Variants in TRNT1 observed in about 807,000 individuals in gnomAD.
TRNT1 encodes tRNA nucleotidyl transferase 1, also known as CCA tRNA nucleotidyltransferase 1, mitochondrial.
A neutral mutation model predicts 45.6 loss-of-function variants in TRNT1; 44 were observed. That is an observed-to-expected ratio of 0.97 (90% confidence interval 0.76 to 1.24). TRNT1 has a LOEUF of 1.24. TRNT1 is among the 50% of genes most tolerant of loss of function. TRNT1 has a pLI of 0.00. For missense variants in TRNT1, 633 were observed against 504.4 expected, an observed-to-expected ratio of 1.25 and a Z score of -2.44; for synonymous variants, 201 against 171.4, an observed-to-expected ratio of 1.17 and a Z score of -1.35.
chr3:3,131,044 A>G (rs1134249), intron 2 of TRNT1, among the ~76,000 whole-genome samples: 3 of 151,900 alleles, frequency 2.0e-5, no homozygotes, highest in East Asian at 3.9e-4. Context: ...TTGTGCCACT[A>G]CACTCCAGCC....
At chr3:3,135,427 A>C (rs988592735) in intron 2 of TRNT1, among the ~76,000 whole-genome samples, 2 of 151,952 alleles carry the variant, frequency 1.3e-5, no homozygotes, top group Non-Finnish European at 2.9e-5. Context: ...TAGTGTTTTA[A>C]ATCCCTATGT....
At chr3:3,151,827 G>GCAAACAAACAAA (rs10659250), downstream of TRNT1, among the ~76,000 whole-genome samples, 406 of 147,694 alleles carry the variant, frequency 2.7e-3, 2 homozygotes, top group African/African-American at 9.0e-3. Flanking sequence ...TTAAGCTGAA[G>GCAAACAAACAAA]CAAACAAACA....
intron 7 of TRNT1, 39 bp downstream of exon 7, chr3:3,147,742 C>T (rs370541025): frequency 4.5e-5 from 70 of 1,554,446 alleles, no homozygotes; most frequent in Non-Finnish European, 5.8e-5. Flanking sequence ...TATGAAGTAT[C>T]GTCACGAATT....
chr3:3,147,389 A>C (rs1706113856), intron 6 of TRNT1, 61 bp from the exon 7 acceptor site: 11 of 1,579,314 alleles, frequency 7.0e-6, no homozygotes, highest in Non-Finnish European at 9.5e-6. Flanking sequence ...GGCAAGGTTT[A>C]GGATATGAGT....
chr3:3,144,506 G>A (rs1055415153), intron 4 of TRNT1, 78 bp from the exon 5 acceptor site: 1 of 1,363,390 alleles, frequency 7.3e-7, no homozygotes, highest in Non-Finnish European at 1.0e-6. Context: ...GTTTGTGATA[G>A]TGTTTAGCTG....
chr3:3,150,884 T>C (rs1706488543), downstream of TRNT1: 1 of 1,613,702 alleles, frequency 6.2e-7, no homozygotes, highest in Non-Finnish European at 8.5e-7. Flanking sequence ...AAGTATTACT[T>C]TGTCTGGACT....
intron 2 of TRNT1, among the ~76,000 whole-genome samples, chr3:3,133,816 A>G (rs1705162012): frequency 6.6e-6 from 1 of 152,060 alleles, no homozygotes; most frequent in Non-Finnish European, 1.5e-5. Flanking sequence ...GTTTTTCTGT[A>G]GTAATGCTCA....
At chr3:3,128,147 T>C (rs1489275584) in intron 1 of TRNT1, 1 of 152,190 alleles carries the variant, frequency 6.6e-6, no homozygotes. Flanking sequence ...TCTAAATGGG[T>C]CCAGGTGCTG....
intron 1 of TRNT1, 72 bp downstream of exon 1, chr3:3,127,062 G>T (rs1178902746): frequency 6.6e-6 from 1 of 152,318 alleles, no homozygotes; most frequent in Non-Finnish European, 1.5e-5. Context: ...TCCTGCTGTG[G>T]GCCAGAGGCG....
intron 1 of TRNT1, chr3:3,127,784 C>T (rs1559210752): frequency 2.0e-5 from 3 of 152,176 alleles, no homozygotes; most frequent in Non-Finnish European, 4.4e-5. Flanking sequence ...GCCTGAAGCC[C>T]TGCTCTGGGG....
intron 2 of TRNT1, among the ~76,000 whole-genome samples, chr3:3,132,724 A>G (rs1223517546): frequency 7.8e-6 from 1 of 127,688 alleles, no homozygotes; most frequent in Non-Finnish European, 1.6e-5. Context: ...ACATATACCT[A>G]TTGAAGGAAA....
rs1705394999 is a variant in TRNT1, at chr3:3,137,419, A to G, written c.308A>G (p.Asn103Ser). ...TCGGCTGGGATTCGGATGATAAACA[A>G]CAGAGGAGAAAAGCACGGAACAATT... is the stretch of plus-strand genomic sequence containing the variant. ...FQSAGIRMIN[N>S]RGEKHGTITA... is the part of the protein sequence containing the mutation. The change falls in exon 3 of 8, where the codon AAC becomes AGC. Residue 103 changes from asparagine to serine, a missense_variant. Coordinates refer to ENST00000251607, the MANE Select transcript of TRNT1 (RefSeq NM_182916.3). The G allele has an allele frequency of 1.9e-6, 3 of 1,613,370 alleles. No homozygotes were observed. The highest frequency in any genetic ancestry group is 2.5e-6 in the Non-Finnish European group (3 of 1,179,700).
intron 5 of TRNT1, 30 bp from the exon 6 acceptor site, chr3:3,146,400 G>A (rs1476017506): frequency 6.4e-7 from 1 of 1,573,796 alleles, no homozygotes; most frequent in Admixed American, 1.8e-5. Context: ...CAATATAGAG[G>A]TAATACCCTG....
intron 2 of TRNT1, among the ~76,000 whole-genome samples, chr3:3,134,008 CTAA>C (rs1030135482): frequency 2.0e-5 from 3 of 152,108 alleles, no homozygotes; most frequent in East Asian, 1.9e-4. Flanking sequence ...TTTTGAATTG[CTAA>C]TAATAATTAA....
At chr3:3,144,478 C>T (rs766519014) in intron 4 of TRNT1, 106 bp from the exon 5 acceptor site, 74 of 1,113,858 alleles carry the variant, frequency 6.6e-5, no homozygotes, top group Non-Finnish European at 9.0e-5. Flanking sequence ...TAACTGTTCA[C>T]TCTGCTGAAT....
intron 2 of TRNT1, chr3:3,130,081 TGTC>T: frequency 9.9e-7 from 1 of 1,011,360 alleles, no homozygotes; most frequent in Non-Finnish European, 1.4e-6. Context: ...TTCTCAATGT[TGTC>T]TGCTGATGTT....
chr3:3,152,170 A>G (rs1706606543), downstream of TRNT1, among the ~76,000 whole-genome samples: 1 of 149,948 alleles, frequency 6.7e-6, no homozygotes, highest in African/African-American at 2.4e-5. Context: ...TTTTTTAAAT[A>G]GACAGATTCT....
chr3:3,149,761 TCAA>T (rs1294819219), downstream of TRNT1: 1 of 152,164 alleles, frequency 6.6e-6, no homozygotes, highest in African/African-American at 2.4e-5. Context: ...AGTGTGACAC[TCAA>T]CTGATTTCAC....
At chr3:3,127,884 T>G (rs1424787071) in intron 1 of TRNT1, 3 of 152,198 alleles carry the variant, frequency 2.0e-5, no homozygotes, top group Non-Finnish European at 4.4e-5. Flanking sequence ...CTGCTTATTC[T>G]CGCTGCCCAA....
Sources: gnomAD v4.1 joint callset for allele counts (sites outside exome capture counted in the v4.1 genomes callset) on GRCh38, gnomAD v4.1.1 for gene constraint, MANE v1.5 for transcripts, NCBI Gene and HGNC (gene_info 2026-07-23, HGNC 2026-07-21) for gene names.